CNIH3: variants seen among roughly 807,000 people sequenced by gnomAD.
CNIH3 encodes cornichon family AMPA receptor auxiliary protein 3.
In CNIH3, 14 loss-of-function variants were observed where a neutral mutation model predicts 24.1. The observed-to-expected ratio is 0.58, with a 90% confidence interval of 0.38 to 0.91. The LOEUF is 0.91. Ranked by LOEUF, CNIH3 falls within the 40% of genes least tolerant of loss-of-function variation. CNIH3 has a pLI of 0.00. For missense variants in CNIH3, 178 were observed against 196.8 expected (o/e 0.90, Z 0.57); for synonymous variants, 68 against 73.8 (o/e 0.92, Z 0.40).
chr1:224,646,516 C>T (rs1684614182), intron 1 of CNIH3, among the ~76,000 whole-genome samples: 1 of 152,176 alleles, frequency 6.6e-6, no homozygotes, highest in Admixed American at 6.5e-5. Context: ...AGCAATCCTC[C>T]TACCTTAACC....
At chr1:224,631,159 C>T (rs1683802488) in intron 1 of CNIH3, among the ~76,000 whole-genome samples, 1 of 151,916 alleles carries the variant, frequency 6.6e-6, no homozygotes, top group Admixed American at 6.6e-5. Flanking sequence ...TGAGACTCCA[C>T]CTCAAACAAC....
rs151196385 is a variant in CNIH3 at position 224,658,046 on chromosome 1, C to G, written c.82-22912C>G. Among the ~76,000 whole-genome samples, 853 of 152,316 alleles carry G rather than the reference C, an allele frequency of 5.6e-3. 7 individuals are homozygous for G. The highest frequency in any genetic ancestry group is 0.019 in the African/African-American group (802 of 41,562). The stretch of plus-strand genomic sequence containing the variant: ...CCCAAAGAAAGTTAAACATTTACTA[C>G]ATGACAATGCTTTGTATATAATGTT... On this transcript the variant is annotated intron_variant, in intron 1 of 5. Transcript: ENST00000272133.
intron 3 of CNIH3, among the ~76,000 whole-genome samples, chr1:224,686,767 G>T (rs751201433): frequency 3.9e-5 from 6 of 152,222 alleles, no homozygotes; most frequent in Non-Finnish European, 5.9e-5. Context: ...CGGCCAGGCA[G>T]CAGGCAATGG....
At chr1:224,728,253 G>T (rs1158579385) in intron 3 of CNIH3, among the ~76,000 whole-genome samples, 3 of 152,230 alleles carry the variant, frequency 2.0e-5, no homozygotes, top group African/African-American at 7.2e-5. Flanking sequence ...TGCCTCCCGG[G>T]GCTGGCGCAC....
At chr1:224,442,545 A>AT (rs1674964279) in intron 1 of CNIH3, among the ~76,000 whole-genome samples, 1 of 152,088 alleles carries the variant, frequency 6.6e-6, no homozygotes, top group Non-Finnish European at 1.5e-5. Context: ...TTCCATTCTT[A>AT]GCCTTTTTTT....
At position 224,617,194 on chromosome 1, in the gene CNIH3, C is replaced by T. The variant is rs1383013624; in HGVS notation, c.20C>T (p.Ala7Val). 2 of 1,614,132 alleles carry T rather than the reference C, an allele frequency of 1.2e-6. No individual in the cohort carries two copies. Among genetic ancestry groups the T allele is most frequent in the Non-Finnish European group, 1.7e-6 (2 of 1,180,002 alleles). The change falls in exon 1 of 6, where the codon GCG becomes GTG. Residue 7 changes from alanine (A) to valine (V), a missense_variant. By Grantham distance (64) the Ala-to-Val change is moderately conservative. Coordinates refer to ENST00000272133, the MANE Select transcript of CNIH3 (RefSeq NM_152495.2). ...CCGGCCATGGCCTTCACTTTCGCTG[C>T]GTTCTGCTACATGCTGTCTCTGGTG... MAFTFA[A>V]FCYMLSLVLC... is the part of the protein sequence containing the mutation.
At chr1:224,639,300 T>C (rs1342911029) in intron 1 of CNIH3, among the ~76,000 whole-genome samples, 1 of 152,252 alleles carries the variant, frequency 6.6e-6, no homozygotes, top group Admixed American at 6.5e-5. Context: ...GATGGGGTCC[T>C]CATGTCCCCC....
At chr1:224,642,232 A>C (rs539541572) in intron 1 of CNIH3, among the ~76,000 whole-genome samples, 54 of 152,148 alleles carry the variant, frequency 3.5e-4, no homozygotes, top group African/African-American at 1.2e-3. Context: ...TTATGCAGAT[A>C]CTGTTTTTTT....
chr1:224,681,094 G>A, intron 2 of CNIH3, 68 bp downstream of exon 2: 1 of 1,281,294 alleles, frequency 7.8e-7, no homozygotes, highest in Non-Finnish European at 1.1e-6. Context: ...GGGAAGGAGG[G>A]TGAGAATGTG....
intron 1 of CNIH3, among the ~76,000 whole-genome samples, chr1:224,643,240 G>C (rs1271400972): frequency 6.6e-6 from 1 of 152,254 alleles, no homozygotes; most frequent in Non-Finnish European, 1.5e-5. Flanking sequence ...GGCCTGCTCT[G>C]AAGGAGGTGG....
chr1:224,595,210 C>A lies in CNIH3; in HGVS notation n.402+28946C>A, dbSNP rs532884008. On this transcript the variant is annotated intron_variant and non_coding_transcript_variant, in intron 3 of 7. Transcript: ENST00000478120. ...TACAGTTGTGCACCACCATACCTGT[C>A]TAATTTTAAAATTTTTGTAGAGTCA... Among the ~76,000 whole-genome samples, 4 of 152,298 alleles carry A rather than the reference C, an allele frequency of 2.6e-5. No individual in the cohort carries two copies. In the South Asian group the frequency reaches 8.3e-4, roughly 32 times the overall value.
At chr1:224,559,164 C>G (rs1680262008) in intron 3 of CNIH3, among the ~76,000 whole-genome samples, 1 of 152,122 alleles carries the variant, frequency 6.6e-6, no homozygotes, top group Admixed American at 6.5e-5. Context: ...TCTTTGCCTG[C>G]TAGGAAGAGG....
At chr1:224,526,328 G>A (rs186744972) in intron 2 of CNIH3, among the ~76,000 whole-genome samples, 40 of 152,242 alleles carry the variant, frequency 2.6e-4, no homozygotes, top group Admixed American at 2.4e-3. Flanking sequence ...TAAGCCACAA[G>A]GGCAAACTAA....
intron 3 of CNIH3, among the ~76,000 whole-genome samples, chr1:224,718,176 GAAAAATTAAAGT>G (rs1688526475): frequency 6.6e-6 from 1 of 152,130 alleles, no homozygotes; most frequent in African/African-American, 2.4e-5. Flanking sequence ...GAGAGCCATG[GAAAAATTAAAGT>G]AAATAAGGAG....
chr1:224,737,769 C>T (rs752236409), intron 5 of CNIH3, among the ~76,000 whole-genome samples: 6 of 152,216 alleles, frequency 3.9e-5, no homozygotes, highest in Admixed American at 1.3e-4. Context: ...TAATTAGCAA[C>T]ATCTGGCTTC....
chr1:224,642,862 T>C (rs1684425397), intron 1 of CNIH3, among the ~76,000 whole-genome samples: 1 of 152,234 alleles, frequency 6.6e-6, no homozygotes, highest in African/African-American at 2.4e-5. Flanking sequence ...TGAAGTAAGA[T>C]GCGAGAGAGC....
At chr1:224,490,517 G>A (rs749840236) in intron 1 of CNIH3, among the ~76,000 whole-genome samples, 3 of 152,068 alleles carry the variant, frequency 2.0e-5, no homozygotes, top group Admixed American at 1.3e-4. Flanking sequence ...TTCTTTTCTC[G>A]CATGCAGATT....
intron 3 of CNIH3, among the ~76,000 whole-genome samples, chr1:224,716,615 G>A (rs1412959496): frequency 6.6e-6 from 1 of 152,118 alleles, no homozygotes; most frequent in East Asian, 1.9e-4. Flanking sequence ...GGGAAGGAAT[G>A]GGGTACAGTG....
At position 224,474,193 on chromosome 1, in the gene CNIH3, C is replaced by T. The variant is rs184217673; in HGVS notation, n.203+39331C>T. 4.6e-5 allele frequency among the ~76,000 whole-genome samples: 7 copies of T among 152,012 alleles called. No individual in the cohort carries two copies. The South Asian group carries it at 6.2e-4, about 14-fold the overall frequency. On this transcript the variant is annotated intron_variant and non_coding_transcript_variant, in intron 1 of 5. Transcript: ENST00000471578. Reference sequence around the variant, plus strand: ...CAGCCTGACCAACGTGGAGAAACCCCGTCTCTACTAAAAATACAAAATTAG... The same window carrying T: ...CAGCCTGACCAACGTGGAGAAACCCTGTCTCTACTAAAAATACAAAATTAG...
Sources: gnomAD v4.1 joint callset for allele counts (sites outside exome capture counted in the v4.1 genomes callset) on GRCh38, gnomAD v4.1.1 for gene constraint, MANE v1.5 for transcripts, NCBI Gene and HGNC (gene_info 2026-07-23, HGNC 2026-07-21) for gene names.